The following DNAH10 variants were observed in gnomAD, a reference collection of about 807,000 sequenced individuals.
DNAH10 encodes the protein dynein axonemal heavy chain 10, also known as axonemal beta dynein heavy chain 10.
DNAH10 carries 348 observed loss-of-function variants against 506.6 expected under a neutral mutation model. The observed-to-expected ratio is 0.69, with a 90% CI of 0.63 to 0.75. The LOEUF (loss-of-function observed/expected upper bound fraction) is 0.75. DNAH10 is among the 30% of genes least tolerant of loss of function. The pLI is 0.00. For missense variants in DNAH10, 5,179 were observed against 5,787.1 expected (o/e 0.89, Z 3.41); for synonymous variants, 2,059 against 2,198.6 (o/e 0.94, Z 1.78).
At position 123,781,324 on chromosome 12, in the gene DNAH10, T is replaced by C. The variant is rs759536245; in HGVS notation, c.841+25T>C. 1.9e-6 allele frequency: 3 copies of C among 1,588,496 alleles called. No homozygotes were observed. The Admixed American group carries it at 5.2e-5, about 27-fold the overall frequency. On this transcript the variant is annotated intron_variant, in intron 6 of 78. Transcript: ENST00000673944. ...GGTAAGGTTTCATTTTCCTCCTTTT[T>C]AGTTAAGAATGATTAATTTACTGTA... is the stretch of plus-strand genomic sequence containing the variant.
In DNAH10 at chr12:123,826,888, C is replaced by G; in HGVS notation, c.4381C>G (p.Leu1461Val). ...PLLLDLKNEALRDRHWKELME... is the reference protein window; with the variant it reads ...PLLLDLKNEAVRDRHWKELME... Reference sequence around the variant, plus strand: ...ACTTCTTGACTTGAAAAACGAGGCACTAAGAGACAGGTTTGTTTTGTCCTC... The same window carrying G: ...ACTTCTTGACTTGAAAAACGAGGCAGTAAGAGACAGGTTTGTTTTGTCCTC... The change falls in exon 25 of 79, where the codon CTA becomes GTA. Residue 1461 changes from leucine to valine, a missense_variant. By Grantham distance (32) the Leu-to-Val change is conservative. Coordinates refer to ENST00000673944, the MANE Select transcript of DNAH10 (RefSeq NM_001372106.1). The G allele has an allele frequency of 6.2e-7, 1 of 1,612,502 alleles. No homozygotes were observed. Among genetic ancestry groups the G allele is most frequent in the Non-Finnish European group, 8.5e-7 (1 of 1,179,088 alleles).
intron 45 of DNAH10, among the ~76,000 whole-genome samples, chr12:123,873,300 C>T (rs973100309): frequency 2.2e-4 from 33 of 152,202 alleles, no homozygotes; most frequent in African/African-American, 7.0e-4. Context: ...GACCCTCAGT[C>T]TACTTTCTTG....
In DNAH10 at chr12:123,916,518, C is replaced by A; in HGVS notation, c.10784C>A (p.Thr3595Asn). ...CTAGAGATGTCCATAAAGTACGGGA[C>A]CCCTTTCCTGTTCCGCGATGTTGAT... The part of the protein sequence containing the change: ...KQLEMSIKYG[T>N]PFLFRDVDEY... Residue 3595 changes from threonine (T) to asparagine (N), a missense_variant, in exon 63 of 79, where the codon ACC becomes AAC. Physicochemically the swap from Thr to Asn is moderately conservative, Grantham distance 65. Transcript: ENST00000673944. This position sits in a 1 kb window ranked among gnomAD's most constrained non-coding sequence, Gnocchi z 4.6. 1 of 1,613,922 alleles carries A rather than the reference C, an allele frequency of 6.2e-7. No homozygotes were observed. Among genetic ancestry groups the A allele is most frequent in the Non-Finnish European group, 8.5e-7 (1 of 1,179,876 alleles).
Position 123,928,618 on chromosome 12 carries a change from A to G in DNAH10, c.12306+31A>G. The G allele has an allele frequency of 6.4e-7, 1 of 1,563,232 alleles. No individual in the cohort carries two copies. Among genetic ancestry groups the G allele is most frequent in the Admixed American group, 1.9e-5 (1 of 53,542 alleles). On this transcript the variant is annotated intron_variant, in intron 70 of 78. Coordinates refer to ENST00000673944, the MANE Select transcript of DNAH10 (RefSeq NM_001372106.1). The surrounding 1 kb of genome is among the most constrained non-coding windows in gnomAD (Gnocchi z 4.9). The stretch of plus-strand genomic sequence containing the variant: ...GCTTCAGGATGGACATCAACATGCC[A>G]GCACGCAGCTTCTCAGAACACCTGC...
intron 15 of DNAH10, 51 bp downstream of exon 15, chr12:123,800,439 C>G (rs938942225): frequency 3.9e-6 from 6 of 1,528,526 alleles, no homozygotes; most frequent in Non-Finnish European, 5.3e-6. Flanking sequence ...TTCTTGGGAC[C>G]CCTTTACGCT....
At position 123,787,736 on chromosome 12, in the gene DNAH10, A is replaced by G. The variant is rs558231333; in HGVS notation, c.1422-68A>G. 4.7e-5 allele frequency: 73 copies of G among 1,551,244 alleles called. No individual in the cohort carries two copies. The African/African-American group carries it at 9.5e-4, about 20-fold the overall frequency. On this transcript the variant is annotated intron_variant, in intron 9 of 78. Coordinates refer to ENST00000673944, the MANE Select transcript of DNAH10 (RefSeq NM_001372106.1). The surrounding 1 kb of genome is among the most constrained non-coding windows in gnomAD (Gnocchi z 4.6). ...GAGCTTCACGGGACACTGGCTCCCC[A>G]GCCGGGGAGTGCGGCTCGGACCCGG...
At position 123,799,099 on chromosome 12, in the gene DNAH10, C is replaced by T. The variant is rs544256298; in HGVS notation, c.2164-147C>T. The T allele has an allele frequency of 1.6e-3, 602 of 375,548 alleles. 3 individuals are homozygous for T. Among genetic ancestry groups the T allele is most frequent in the African/African-American group, 0.014 (574 of 40,032 alleles). 23.3% of individuals were successfully genotyped at this position (375,548 alleles called of 1,614,324 possible). On this transcript the variant is annotated intron_variant, in intron 13 of 78. Coordinates refer to ENST00000673944, the MANE Select transcript of DNAH10 (RefSeq NM_001372106.1). ...CAGCCTGGGCGACAGAGTGAGACTC[C>T]GTCTCCAAAAAAAAAAAAAAAAAAT...
intron 21 of DNAH10, among the ~76,000 whole-genome samples, chr12:123,816,854 A>G (rs1199214138): frequency 6.6e-6 from 1 of 152,216 alleles, no homozygotes; most frequent in Non-Finnish European, 1.5e-5. Flanking sequence ...CAGCTTCACT[A>G]GATTCTGCTA....
At chr12:123,856,069 A>G (rs1951375456) in intron 36 of DNAH10, among the ~76,000 whole-genome samples, 1 of 147,870 alleles carries the variant, frequency 6.8e-6, no homozygotes. Context: ...TATTCATATT[A>G]CACATAATAT....
chr12:123,897,799 A>G lies in DNAH10; in HGVS notation c.9310A>G (p.Ile3104Val), dbSNP rs1953322387. 5.0e-6 allele frequency: 8 copies of G among 1,608,386 alleles called. No individual in the cohort carries two copies. The highest frequency in any genetic ancestry group is 1.3e-5 in the African/African-American group (1 of 74,620). Residue 3104 changes from isoleucine to valine, a missense_variant, in exon 55 of 79, where the codon ATA becomes GTA. Physicochemically the swap from Ile to Val is conservative, Grantham distance 29. Coordinates refer to ENST00000673944, the MANE Select transcript of DNAH10 (RefSeq NM_001372106.1). ...GYNPMIPAEN[I>V]ENVVKHVVLV... is the part of the protein sequence containing the mutation. Reference sequence around the variant, plus strand: ...TAATCCAATGATCCCGGCAGAAAATATAGAAAATGTGGTGAAGCATGTTGT... The same window carrying G: ...TAATCCAATGATCCCGGCAGAAAATGTAGAAAATGTGGTGAAGCATGTTGT...
chr12:123,917,492 C>A lies in DNAH10; in HGVS notation c.11003-92C>A. The A allele has an allele frequency of 7.6e-7, 1 of 1,322,682 alleles. No homozygotes were observed. The highest frequency in any genetic ancestry group is 1.0e-6 in the Non-Finnish European group (1 of 963,472). 81.9% of individuals were successfully genotyped at this position (1,322,682 alleles called of 1,614,324 possible). On this transcript the variant is annotated intron_variant, in intron 63 of 78. Coordinates refer to ENST00000673944, the MANE Select transcript of DNAH10 (RefSeq NM_001372106.1). This position sits in a 1 kb window ranked among gnomAD's most constrained non-coding sequence, Gnocchi z 5.6. Reference sequence around the variant, plus strand: ...CGTGCCTCTGGCCTGCTGGCTGAGACCCGCGCTAAGCTTGTCCCGTCACAG... The same window carrying A: ...CGTGCCTCTGGCCTGCTGGCTGAGAACCGCGCTAAGCTTGTCCCGTCACAG...
intron 12 of DNAH10, among the ~76,000 whole-genome samples, chr12:123,795,776 C>T (rs1958253448): frequency 6.6e-6 from 1 of 152,100 alleles, no homozygotes; most frequent in Admixed American, 6.5e-5. Context: ...ATTACCCCCA[C>T]GAGAGCTCAG....
intron 5 of DNAH10, among the ~76,000 whole-genome samples, chr12:123,780,691 C>T (rs1179245324): frequency 6.6e-6 from 1 of 151,542 alleles, no homozygotes; most frequent in Admixed American, 6.6e-5. Context: ...CAGTGGCTCA[C>T]GCCTGTAATC....
At chr12:123,829,287 G>A (rs1960290959) in intron 25 of DNAH10, among the ~76,000 whole-genome samples, 1 of 152,130 alleles carries the variant, frequency 6.6e-6, no homozygotes, top group Non-Finnish European at 1.5e-5. Context: ...ACAGAAAGTG[G>A]GGGCATCGGC....
chr12:123,816,862 C>G (rs1959161713), intron 21 of DNAH10, among the ~76,000 whole-genome samples: 1 of 152,166 alleles, frequency 6.6e-6, no homozygotes, highest in Admixed American at 6.5e-5. Context: ...CTAGATTCTG[C>G]TAATTTTCCA....
At chr12:123,830,801 T>C (rs925554099) in intron 26 of DNAH10, 102 bp downstream of exon 26, 3 of 1,091,992 alleles carry the variant, frequency 2.7e-6, no homozygotes, top group African/African-American at 3.2e-5. Context: ...AAAAATTAGC[T>C]GAGCGTGGTG....
rs767777352 is a variant in DNAH10, at chr12:123,923,841, A to C, written c.11585A>C (p.Gln3862Pro). 2.6e-5 allele frequency: 42 copies of C among 1,610,984 alleles called. No individual in the cohort carries two copies. In the Admixed American group the frequency reaches 6.9e-4, roughly 26 times the overall value. ...GAACAAGCAGAAGGGAGAGTCCCTC[A>C]AGAAGAACTAGATTTCTTTTTAAAA... ...KIEQAEGRVPQEELDFFLKGN... is the reference protein window; with the variant it reads ...KIEQAEGRVPPEELDFFLKGN... The change falls in exon 66 of 79, where the codon CAA becomes CCA. Residue 3862 changes from glutamine to proline, a missense_variant. Physicochemically the swap from Gln to Pro is moderately conservative, Grantham distance 76. Transcript: ENST00000673944.
intron 11 of DNAH10, among the ~76,000 whole-genome samples, chr12:123,792,441 T>C (rs1159565909): frequency 2.1e-5 from 3 of 145,520 alleles, no homozygotes; most frequent in Non-Finnish European, 3.0e-5. Context: ...TACCTTTTTT[T>C]TCCTTTGTCC....
intron 76 of DNAH10, 68 bp downstream of exon 76, chr12:123,932,176 C>A: frequency 6.3e-7 from 1 of 1,579,662 alleles, no homozygotes; most frequent in Non-Finnish European, 8.6e-7. Context: ...AAACCACCTC[C>A]CAATCCCCTC....
Sources: allele counts gnomAD v4.1 joint callset (sites outside exome capture counted in the v4.1 genomes callset), GRCh38; gene constraint gnomAD v4.1.1; non-coding constraint Gnocchi (gnomAD v3.1); transcripts MANE v1.5; gene names NCBI Gene and HGNC (gene_info 2026-07-23, HGNC 2026-07-21).